The following MAN1C1 variants were observed in gnomAD, a reference collection of about 807,000 sequenced individuals.
The protein encoded by MAN1C1 is mannosyl-oligosaccharide 1,2-alpha-mannosidase IC.
A neutral mutation model predicts 71.5 loss-of-function variants in MAN1C1; 49 were observed. The observed-to-expected ratio is 0.69, with a 90% confidence interval of 0.54 to 0.87. MAN1C1 has a LOEUF of 0.87. Among genes scored for constraint, MAN1C1 ranks in the 40% least tolerant of loss-of-function variants. The pLI is 0.00. For synonymous variants in MAN1C1, 352 were observed against 343.7 expected, an observed-to-expected ratio of 1.02 and a Z score of -0.27; for missense variants, 743 against 835.0, an observed-to-expected ratio of 0.89 and a Z score of 1.36.
chr1:25,782,651 C>T lies in MAN1C1; in HGVS notation c.1717C>T (p.Pro573Ser). 6.2e-7 allele frequency: 1 copy of T among 1,614,084 alleles called. No individual in the cohort carries two copies. Among genetic ancestry groups the T allele is most frequent in the South Asian group, 1.1e-5 (1 of 91,082 alleles). The change falls in exon 11 of 12, where the codon CCC becomes TCC. Residue 573 changes from proline to serine, a missense_variant. Transcript: ENST00000374332. This position sits in a 1 kb window ranked among gnomAD's most constrained non-coding sequence, Gnocchi z 4.4. Reference sequence around the variant, plus strand: ...GATCCAAGACGTGTACAGTAGCACCCCCAACCACGACAACAAGCAGCAGAG... The same window carrying T: ...GATCCAAGACGTGTACAGTAGCACCTCCAACCACGACAACAAGCAGCAGAG... ...SGIQDVYSST[P>S]NHDNKQQSFF...
intron 7 of MAN1C1, among the ~76,000 whole-genome samples, chr1:25,765,608 T>C (rs562653307): frequency 1.2e-4 from 19 of 152,344 alleles, no homozygotes; most frequent in African/African-American, 4.6e-4. Context: ...TGAGATGCAT[T>C]CTTTGTGTGC....
intron 2 of MAN1C1, among the ~76,000 whole-genome samples, chr1:25,688,330 G>T (rs979760741): frequency 2.0e-5 from 3 of 152,204 alleles, no homozygotes; most frequent in African/African-American, 7.2e-5. Context: ...AAGATTGCTG[G>T]TGCAGATCCC....
chr1:25,765,916 C>T (rs570718334), intron 7 of MAN1C1, among the ~76,000 whole-genome samples: 10 of 152,260 alleles, frequency 6.6e-5, no homozygotes, highest in African/African-American at 9.6e-5. Flanking sequence ...TCCAAAAGTA[C>T]GGGGAGAAAA....
In MAN1C1 at chr1:25,746,861, T is replaced by G. The variant is rs970605616; in HGVS notation, c.753+78T>G. 1 of 978,346 alleles carries G rather than the reference T, an allele frequency of 1.0e-6. No individual in the cohort carries two copies. The highest frequency in any genetic ancestry group is 1.6e-5 in the African/African-American group (1 of 61,274). The allele number at this position is 978,346 out of a possible 1,614,324, so 60.6% of individuals were successfully genotyped here. A position where few individuals can be genotyped will look rare whatever the true frequency, so the allele number is the denominator to read the frequency against. On this transcript the variant is annotated intron_variant, in intron 3 of 11. Transcript: ENST00000374332. This position sits in a 1 kb window ranked among gnomAD's most constrained non-coding sequence, Gnocchi z 4.0. ...ACAGCCAGCTTCACCCTGTCATCTC[T>G]GAGACCCAGAGATGTTGAGGGTCTC... is the stretch of plus-strand genomic sequence containing the variant.
intron 7 of MAN1C1, among the ~76,000 whole-genome samples, chr1:25,767,620 T>A (rs1358198106): frequency 5.0e-5 from 2 of 39,798 alleles, no homozygotes; most frequent in African/African-American, 9.1e-5. Context: ...ACATCCACAC[T>A]CCCCTCACAC....
intron 5 of MAN1C1, among the ~76,000 whole-genome samples, chr1:25,757,274 G>C (rs574669836): frequency 1.3e-5 from 2 of 152,304 alleles, no homozygotes; most frequent in East Asian, 3.9e-4. Context: ...TTCCTGGGAG[G>C]GCAGTGTGAC....
intron 2 of MAN1C1, among the ~76,000 whole-genome samples, chr1:25,699,730 T>C (rs1400832361): frequency 6.6e-6 from 1 of 152,188 alleles, no homozygotes; most frequent in Non-Finnish European, 1.5e-5. Context: ...GATGACAGCC[T>C]GGTGCAGCCA....
chr1:25,632,848 T>C (rs1009630649), intron 1 of MAN1C1, among the ~76,000 whole-genome samples: 6 of 151,410 alleles, frequency 4.0e-5, no homozygotes, highest in Non-Finnish European at 5.9e-5. Flanking sequence ...TCTGAGAAGA[T>C]ACTTGATACA....
At chr1:25,663,983 T>C (rs752124395) in intron 1 of MAN1C1, among the ~76,000 whole-genome samples, 1 of 152,244 alleles carries the variant, frequency 6.6e-6, no homozygotes, top group Non-Finnish European at 1.5e-5. Context: ...AAACATGACT[T>C]AGTTCTTCCT....
chr1:25,667,613 C>T (rs372344484), intron 1 of MAN1C1, among the ~76,000 whole-genome samples: 12 of 151,822 alleles, frequency 7.9e-5, no homozygotes, highest in South Asian at 2.1e-4. Flanking sequence ...AATTGTTCTT[C>T]GGCATTCTAT....
intron 1 of MAN1C1, among the ~76,000 whole-genome samples, chr1:25,640,349 C>G (rs2045520399): frequency 6.6e-6 from 1 of 152,162 alleles, no homozygotes; most frequent in African/African-American, 2.4e-5. Flanking sequence ...GAGGTTAAAC[C>G]TATACTTTGC....
rs1253548961 is a variant in MAN1C1 at position 25,617,108 on chromosome 1, G to GC, written c.-685dup. On this transcript the variant is annotated 5_prime_UTR_variant, in exon 1 of 12. Transcript: ENST00000374332. This position sits in a 1 kb window ranked among gnomAD's most constrained non-coding sequence, Gnocchi z 5.1. The stretch of plus-strand genomic sequence containing the variant: ...CTGCGCTGTCTGGGGCCCGGGGGAA[G>GC]CCCCCTGCCCCCGCAGGCTCGGAAG... Among the ~76,000 whole-genome samples, 4 of 152,012 alleles carry GC rather than the reference G, an allele frequency of 2.6e-5. No individual in the cohort carries two copies. In the East Asian group the frequency reaches 7.8e-4, roughly 30 times the overall value.
chr1:25,654,676 C>G (rs923957385), intron 1 of MAN1C1, among the ~76,000 whole-genome samples: 5 of 151,438 alleles, frequency 3.3e-5, no homozygotes, highest in Admixed American at 2.6e-4. Context: ...GAGATGGAGT[C>G]TTGCACTGTC....
intron 7 of MAN1C1, among the ~76,000 whole-genome samples, chr1:25,768,075 T>TC (rs1277526913): frequency 0.01 from 19 of 1,868 alleles, 2 homozygotes; most frequent in Admixed American, 0.018. Flanking sequence ...ACACACACAC[T>TC]CCCCCCCACA....
At chr1:25,716,777 A>G (rs1405989807) in intron 2 of MAN1C1, among the ~76,000 whole-genome samples, 1 of 152,214 alleles carries the variant, frequency 6.6e-6, no homozygotes, top group Non-Finnish European at 1.5e-5. Flanking sequence ...AACACCACTA[A>G]AATCAAGGTA....
At chr1:25,707,632 A>G (rs1458914704) in intron 2 of MAN1C1, among the ~76,000 whole-genome samples, 1 of 152,186 alleles carries the variant, frequency 6.6e-6, no homozygotes, top group Non-Finnish European at 1.5e-5. Flanking sequence ...CAGCCACTGG[A>G]CAGGACTTAC....
chr1:25,684,422 A>C (rs1231845024), intron 1 of MAN1C1, among the ~76,000 whole-genome samples: 1 of 152,228 alleles, frequency 6.6e-6, no homozygotes, highest in Admixed American at 6.5e-5. Flanking sequence ...GGGAAGCCAC[A>C]TGTCTGGCCA....
At chr1:25,620,231 T>C (rs150101158) in intron 1 of MAN1C1, among the ~76,000 whole-genome samples, 1 of 152,320 alleles carries the variant, frequency 6.6e-6, no homozygotes, top group East Asian at 1.9e-4. Flanking sequence ...GGAGAAGGTC[T>C]AAGTTGGTGA....
At chr1:25,774,755 G>A (rs987712185) in intron 8 of MAN1C1, among the ~76,000 whole-genome samples, 2 of 151,978 alleles carry the variant, frequency 1.3e-5, no homozygotes, top group South Asian at 2.1e-4. Context: ...CTCTCGCCAC[G>A]CTGGGCTCAC....
Sources: gnomAD v4.1 joint callset for allele counts (sites outside exome capture counted in the v4.1 genomes callset) on GRCh38, gnomAD v4.1.1 for gene constraint, Gnocchi (gnomAD v3.1) non-coding constraint, MANE v1.5 for transcripts, NCBI Gene and HGNC (gene_info 2026-07-23, HGNC 2026-07-21) for gene names.